The following INO80D variants were observed in gnomAD, a reference collection of about 807,000 sequenced individuals.
INO80D encodes INO80 complex subunit D.
In INO80D, 21 loss-of-function variants were observed where a neutral mutation model predicts 87.6. The ratio of observed to expected loss-of-function variants is 0.24; its 90% CI spans 0.17 to 0.35. INO80D has a LOEUF of 0.35. Ranked by LOEUF, INO80D falls within the 10% of genes least tolerant of loss-of-function variation. INO80D has a pLI of 1.00. For synonymous variants in INO80D, 440 were observed against 491.0 expected, an observed-to-expected ratio of 0.90 and a Z score of 1.37; for missense variants, 982 against 1,280.7, an observed-to-expected ratio of 0.77 and a Z score of 3.56.
intron 5 of INO80D, among the ~76,000 whole-genome samples, chr2:206,029,005 A>G (rs567334010): frequency 6.6e-6 from 1 of 151,732 alleles, no homozygotes; most frequent in East Asian, 1.9e-4. Flanking sequence ...CTCCTGCCTC[A>G]GCCTCATGAG....
intron 1 of INO80D, among the ~76,000 whole-genome samples, chr2:206,065,290 G>A (rs1289247703): frequency 6.6e-6 from 1 of 152,064 alleles, no homozygotes; most frequent in African/African-American, 2.4e-5. Flanking sequence ...CTAACAAGGT[G>A]AAACCCTGTC....
intron 8 of INO80D, among the ~76,000 whole-genome samples, chr2:206,014,090 G>A (rs1423486003): frequency 4.0e-5 from 6 of 150,924 alleles, no homozygotes; most frequent in East Asian, 1.9e-4. Context: ...CCCAGGAGGC[G>A]GAGGTTGCAG....
chr2:206,041,427 T>C (rs1322133729), intron 5 of INO80D, among the ~76,000 whole-genome samples: 1 of 152,158 alleles, frequency 6.6e-6, no homozygotes, highest in Non-Finnish European at 1.5e-5. Context: ...TAATGCCACA[T>C]AAGGAAAGAT....
chr2:206,058,183 G>A (rs1451933873), intron 3 of INO80D, among the ~76,000 whole-genome samples: 1 of 152,184 alleles, frequency 6.6e-6, no homozygotes, highest in Non-Finnish European at 1.5e-5. Flanking sequence ...CACTTTGGGA[G>A]GCTGAGGCGG....
At chr2:206,066,616 G>A (rs1388737735) in intron 1 of INO80D, among the ~76,000 whole-genome samples, 1 of 151,938 alleles carries the variant, frequency 6.6e-6, no homozygotes, top group African/African-American at 2.4e-5. Flanking sequence ...GACCAACACG[G>A]CCAACATGGC....
At position 206,056,626 on chromosome 2, in the gene INO80D, T is replaced by A. The variant is rs897550097; in HGVS notation, c.536A>T (p.Gln179Leu). Residue 179 changes from glutamine (Q) to leucine (L), a missense_variant, in exon 4 of 11, where the codon CAG becomes CTG. Transcript: ENST00000403263. ...KLQSKLAQNRQRQRETEILKV... is the reference protein window; with the variant it reads ...KLQSKLAQNRLRQRETEILKV... ...TAAAATCTCTGTCTCTCTCTGGCGC[T>A]GCCGATTCTGGGCCAACTTGCTCTG... 6.2e-7 allele frequency: 1 copy of A among 1,611,248 alleles called. No homozygotes were observed. Among genetic ancestry groups the A allele is most frequent in the Non-Finnish European group, 8.5e-7 (1 of 1,178,668 alleles).
chr2:206,022,668 A>C (rs1688497017), intron 6 of INO80D, among the ~76,000 whole-genome samples: 1 of 152,188 alleles, frequency 6.6e-6, no homozygotes, highest in Admixed American at 6.5e-5. Flanking sequence ...TAAATACGAC[A>C]AAGTTATTTG....
Position 205,998,735 on chromosome 2 carries a change from A to C in INO80D, c.*5633T>G, listed in dbSNP as rs1439723660. On this transcript the variant is annotated 3_prime_UTR_variant, in exon 11 of 11. Coordinates refer to ENST00000403263, the MANE Select transcript of INO80D (RefSeq NM_017759.5). The stretch of plus-strand genomic sequence containing the variant: ...CCTGGAGGAGAAAGGAAAAAGTCCT[A>C]TGCAAGACACTGTGGGCTACAAAAC... The C allele has an allele frequency of 6.6e-6, 1 of 152,208 alleles. No homozygotes were observed. The highest frequency in any genetic ancestry group is 2.4e-5 in the African/African-American group (1 of 41,454). 9.4% of individuals were successfully genotyped at this position (152,208 alleles called of 1,614,324 possible).
chr2:206,050,967 TCAA>T (rs796687791), intron 4 of INO80D, among the ~76,000 whole-genome samples: 51 of 145,984 alleles, frequency 3.5e-4, no homozygotes, highest in African/African-American at 1.0e-3. Flanking sequence ...AAACTCCGTC[TCAA>T]CAACAACAAC....
At chr2:206,081,227 ATTACATGGACAATCCTACCC>A (rs1474490143) in intron 1 of INO80D, among the ~76,000 whole-genome samples, 1 of 152,148 alleles carries the variant, frequency 6.6e-6, no homozygotes, top group African/African-American at 2.4e-5. Flanking sequence ...CACAACTACC[ATTACATGGACAATCCTACCC>A]TTACGTTTTT....
chr2:206,032,184 T>A (rs1195911937), intron 5 of INO80D, among the ~76,000 whole-genome samples: 1 of 152,192 alleles, frequency 6.6e-6, no homozygotes, highest in Non-Finnish European at 1.5e-5. Context: ...AGAAGCCTCC[T>A]GGCCAGAATG....
At chr2:206,048,467 A>C (rs1325884188) in intron 4 of INO80D, among the ~76,000 whole-genome samples, 2 of 151,750 alleles carry the variant, frequency 1.3e-5, no homozygotes, top group Non-Finnish European at 2.9e-5. Flanking sequence ...TCCTGAGCTC[A>C]AATGATCTAC....
At chr2:206,022,754 C>T (rs983819111) in intron 6 of INO80D, among the ~76,000 whole-genome samples, 1 of 152,144 alleles carries the variant, frequency 6.6e-6, no homozygotes, top group Non-Finnish European at 1.5e-5. Context: ...CCCTCTGTCA[C>T]CCAGGCTGGA....
chr2:206,036,426 T>C (rs1033002653), intron 5 of INO80D, among the ~76,000 whole-genome samples: 7 of 152,132 alleles, frequency 4.6e-5, no homozygotes, highest in African/African-American at 1.4e-4. Context: ...ATTAATGGCA[T>C]TTGCAGTGAC....
chr2:206,037,035 A>C (rs1036188428), intron 5 of INO80D, among the ~76,000 whole-genome samples: 1 of 152,162 alleles, frequency 6.6e-6, no homozygotes, highest in Admixed American at 6.5e-5. Flanking sequence ...GAGAAAGGCC[A>C]GTTTCCCTTC....
chr2:206,012,094 T>C (rs1475297579), intron 8 of INO80D, among the ~76,000 whole-genome samples: 2 of 152,144 alleles, frequency 1.3e-5, no homozygotes, highest in Admixed American at 6.5e-5. Context: ...GGGAAGCCAT[T>C]AGCAGGTTTT....
intron 5 of INO80D, among the ~76,000 whole-genome samples, chr2:206,044,510 C>T (rs1291283338): frequency 8.3e-6 from 1 of 120,200 alleles, no homozygotes; most frequent in Non-Finnish European, 1.8e-5. Flanking sequence ...AGGAGGAAAA[C>T]AGAGTAAAGG....
chr2:205,994,297 T>C lies in INO80D; in HGVS notation c.*10071A>G, dbSNP rs971622190. 1.3e-5 allele frequency: 2 copies of C among 152,224 alleles called. No individual in the cohort carries two copies. The highest frequency in any genetic ancestry group is 6.5e-5 in the Admixed American group (1 of 15,282). 9.4% of individuals were successfully genotyped at this position (152,224 alleles called of 1,614,324 possible). On this transcript the variant is annotated 3_prime_UTR_variant, in exon 11 of 11. Coordinates refer to ENST00000403263, the MANE Select transcript of INO80D (RefSeq NM_017759.5). ...TTTATATTTTTGTATTTATTTTTAA[T>C]GCATGGCCTGTTAAACATACTTGGG...
chr2:206,037,331 G>A (rs1688919446), intron 5 of INO80D, among the ~76,000 whole-genome samples: 1 of 152,062 alleles, frequency 6.6e-6, no homozygotes, highest in African/African-American at 2.4e-5. Context: ...ACTTCTCCAA[G>A]GGAAATTCAT....
Sources: allele counts gnomAD v4.1 joint callset (sites outside exome capture counted in the v4.1 genomes callset), GRCh38; gene constraint gnomAD v4.1.1; transcripts MANE v1.5; gene names NCBI Gene and HGNC (gene_info 2026-07-23, HGNC 2026-07-21).